Variants in ASTN2 observed in about 807,000 individuals in gnomAD.
ASTN2 encodes astrotactin 2.
Under a neutral mutation model 139.8 loss-of-function variants are expected in ASTN2, and 54 were observed. That is an observed-to-expected ratio of 0.39 (90% CI 0.31 to 0.48). ASTN2 has a LOEUF of 0.48. ASTN2 is among the 20% of genes least tolerant of loss of function. ASTN2 has a pLI of 0.95. For missense variants in ASTN2, 1,565 were observed against 1,725.1 expected (o/e 0.91, Z 1.64); for synonymous variants, 756 against 719.5 (o/e 1.05, Z -0.81).
chr9:116,908,798 C>A (rs559513024), intron 10 of ASTN2, among the ~76,000 whole-genome samples: 1 of 152,128 alleles, frequency 6.6e-6, no homozygotes, highest in Non-Finnish European at 1.5e-5. Flanking sequence ...ATAATGTATG[C>A]GTGTATAATA....
intron 2 of ASTN2, among the ~76,000 whole-genome samples, chr9:117,231,739 A>C (rs1400040930): frequency 6.6e-6 from 1 of 152,132 alleles, no homozygotes; most frequent in Non-Finnish European, 1.5e-5. Context: ...GGGAGAGTGT[A>C]AGGTGAGAGA....
chr9:117,092,709 C>G (rs1156805132), intron 5 of ASTN2, among the ~76,000 whole-genome samples: 1 of 152,176 alleles, frequency 6.6e-6, no homozygotes, highest in Non-Finnish European at 1.5e-5. Context: ...CTTTCTTCCC[C>G]TACCTCCTTG....
chr9:116,686,795 A>G, intron 16 of ASTN2: 1 of 1,550,652 alleles, frequency 6.4e-7, no homozygotes, highest in South Asian at 1.2e-5. Context: ...TTTACAGAGC[A>G]ATGTGTTCAT....
intron 18 of ASTN2, 38 bp from the exon 19 acceptor site, chr9:116,618,510 C>G: frequency 4.4e-6 from 7 of 1,579,540 alleles, no homozygotes; most frequent in Non-Finnish European, 6.0e-6. Context: ...GTTTGGCAGC[C>G]AGCACCAGCT....
At chr9:117,188,750 G>A (rs1209220830) in intron 3 of ASTN2, among the ~76,000 whole-genome samples, 3 of 152,124 alleles carry the variant, frequency 2.0e-5, no homozygotes, top group Admixed American at 1.3e-4. Context: ...AGAAGAAAGG[G>A]CACTCAATAA....
At chr9:117,079,191 A>G (rs1442749790) in intron 5 of ASTN2, among the ~76,000 whole-genome samples, 3 of 152,178 alleles carry the variant, frequency 2.0e-5, no homozygotes, top group African/African-American at 7.2e-5. Flanking sequence ...TCCTGCCTCT[A>G]CAAATAATTA....
chr9:116,444,029 G>A (rs796755074), intron 20 of ASTN2, among the ~76,000 whole-genome samples: 1 of 152,262 alleles, frequency 6.6e-6, no homozygotes, highest in African/African-American at 2.4e-5. Flanking sequence ...TATGTGTCAA[G>A]CACTGAGCTA....
intron 9 of ASTN2, 100 bp from the exon 10 acceptor site, chr9:116,975,445 T>C (rs1588452629): frequency 1.7e-6 from 2 of 1,192,608 alleles, no homozygotes; most frequent in Middle Eastern, 2.5e-4. Context: ...AATTTCCTAC[T>C]TCTCCATCCA....
At position 117,220,914 on chromosome 9, in the gene ASTN2, G is replaced by A. The variant is rs187012917; in HGVS notation, c.631-6172C>T. 3.3e-3 allele frequency among the ~76,000 whole-genome samples: 505 copies of A among 152,312 alleles called. 1 individual carries two copies. Among genetic ancestry groups the A allele is most frequent in the African/African-American group, 0.011 (473 of 41,568 alleles). On this transcript the variant is annotated intron_variant, in intron 2 of 22. Coordinates refer to ENST00000313400, the MANE Select transcript of ASTN2 (RefSeq NM_001365068.1). ...CATCTCTGCATTTTCAGGTTGAGGT[G>A]AGGCTTTCATGGCTCCAGTCCTCTG...
At chr9:117,012,536 A>T (rs1263501081) in intron 6 of ASTN2, among the ~76,000 whole-genome samples, 1 of 152,186 alleles carries the variant, frequency 6.6e-6, no homozygotes, top group Non-Finnish European at 1.5e-5. Flanking sequence ...AACAAGAGAG[A>T]TCAAATATCT....
At chr9:116,921,250 A>G (rs1834595997) in intron 10 of ASTN2, among the ~76,000 whole-genome samples, 1 of 152,142 alleles carries the variant, frequency 6.6e-6, no homozygotes, top group Non-Finnish European at 1.5e-5. Flanking sequence ...CCATGATCCA[A>G]TCACCTTCCA....
chr9:116,597,308 T>A (rs898538708), intron 19 of ASTN2, among the ~76,000 whole-genome samples: 1 of 140,364 alleles, frequency 7.1e-6, no homozygotes, highest in South Asian at 2.6e-4. Context: ...TATTTTTTTT[T>A]TTTTTTTTTT....
intron 4 of ASTN2, among the ~76,000 whole-genome samples, chr9:117,119,317 G>T (rs1229899788): frequency 6.6e-6 from 1 of 152,214 alleles, no homozygotes; most frequent in Non-Finnish European, 1.5e-5. Flanking sequence ...AATTTTATTT[G>T]ATTAGGCATG....
chr9:116,626,274 G>C (rs1322561683), intron 17 of ASTN2, among the ~76,000 whole-genome samples: 2 of 147,558 alleles, frequency 1.4e-5, no homozygotes, highest in African/African-American at 5.0e-5. Flanking sequence ...TCAAAGTGCT[G>C]GGATTATAGG....
intron 16 of ASTN2, among the ~76,000 whole-genome samples, chr9:116,661,679 G>C (rs991048523): frequency 6.6e-6 from 1 of 152,006 alleles, no homozygotes; most frequent in African/African-American, 2.4e-5. Flanking sequence ...GAATGGATGC[G>C]GTCTGAACTT....
At chr9:116,706,760 A>ATTTTTTTTTTTTTT (rs60395133) in intron 16 of ASTN2, among the ~76,000 whole-genome samples, 1 of 88,058 alleles carries the variant, frequency 1.1e-5, no homozygotes, top group African/African-American at 4.5e-5. Context: ...GCTGGCTAGA[A>ATTTTTTTTTTTTTT]TTTTTTTTTT....
intron 10 of ASTN2, among the ~76,000 whole-genome samples, chr9:116,898,847 A>G (rs1337914963): frequency 2.0e-5 from 3 of 152,086 alleles, no homozygotes; most frequent in Non-Finnish European, 2.9e-5. Flanking sequence ...TTTTTTAAAT[A>G]TATTTTGTAG....
intron 1 of ASTN2, among the ~76,000 whole-genome samples, chr9:117,329,168 C>T (rs907692165): frequency 3.4e-5 from 5 of 146,370 alleles, no homozygotes; most frequent in Non-Finnish European, 6.1e-5. Context: ...TAACCTACTG[C>T]ACTTCCAAGT....
intron 10 of ASTN2, among the ~76,000 whole-genome samples, chr9:116,894,721 G>A (rs1347302659): frequency 2.0e-5 from 3 of 152,150 alleles, no homozygotes; most frequent in Admixed American, 2.0e-4. Flanking sequence ...TATGATTACA[G>A]ACGAGAGCCA....
Sources: allele counts gnomAD v4.1 joint callset (sites outside exome capture counted in the v4.1 genomes callset), GRCh38; gene constraint gnomAD v4.1.1; transcripts MANE v1.5; gene names NCBI Gene and HGNC (gene_info 2026-07-23, HGNC 2026-07-21).